The following FGGY variants were observed in gnomAD, a reference collection of about 807,000 sequenced individuals.
FGGY encodes the protein FGGY carbohydrate kinase domain-containing protein.
FGGY carries 72 observed loss-of-function variants against 71.3 expected under a neutral mutation model. The observed-to-expected ratio is 1.01, with a 90% CI of 0.84 to 1.23. FGGY has a LOEUF of 1.23. FGGY is among the 50% of genes most tolerant of loss of function. FGGY has a pLI of 0.00. For synonymous variants in FGGY, 251 were observed against 250.3 expected, an observed-to-expected ratio of 1.00 and a Z score of -0.02; for missense variants, 668 against 682.3, an observed-to-expected ratio of 0.98 and a Z score of 0.23.
chr1:59,674,049 G>C lies in FGGY; in HGVS notation c.1428G>C (p.Val476=). The C allele has an allele frequency of 3.1e-6, 5 of 1,613,642 alleles. No homozygotes were observed. Among genetic ancestry groups the C allele is most frequent in the Non-Finnish European group, 4.2e-6 (5 of 1,179,788 alleles). The change falls in exon 14 of 16, where the codon GTG becomes GTC. Residue 476 remains valine, a synonymous_variant. Transcript: ENST00000303721. ...QMHADITGMP[V]VLSQEVESVL... ...CCTTGTCCTGCGCAGGCATGCCTGT[G>C]GTCCTGTCGCAAGAGGTGGAGTCCG...
chr1:59,316,011 C>T (rs897518886), intron 1 of FGGY: 1 of 152,194 alleles, frequency 6.6e-6, no homozygotes, highest in South Asian at 2.1e-4. Flanking sequence ...CAAATCAGCT[C>T]TTTCCTTCTC....
At chr1:59,531,084 G>T (rs542385897) in intron 7 of FGGY, among the ~76,000 whole-genome samples, 2 of 152,284 alleles carry the variant, frequency 1.3e-5, no homozygotes, top group East Asian at 3.9e-4. Context: ...ATAGCTCTCT[G>T]AAGCAAGAGT....
chr1:59,440,406 G>A (rs2069537994), intron 5 of FGGY, among the ~76,000 whole-genome samples: 1 of 151,954 alleles, frequency 6.6e-6, no homozygotes. Context: ...GATCTCTTTT[G>A]TTTGTGGGTG....
chr1:59,659,923 A>C (rs983786173), intron 11 of FGGY, among the ~76,000 whole-genome samples: 2 of 152,212 alleles, frequency 1.3e-5, no homozygotes, highest in Non-Finnish European at 2.9e-5. Flanking sequence ...AAAATGTTTT[A>C]AAATAAAAAG....
intron 8 of FGGY, among the ~76,000 whole-genome samples, chr1:59,566,706 G>C (rs948485143): frequency 6.6e-5 from 10 of 152,132 alleles, no homozygotes; most frequent in Non-Finnish European, 1.0e-4. Flanking sequence ...GAATAAAACC[G>C]AAGTCTTAAA....
chr1:59,576,850 C>T (rs1293019309), intron 8 of FGGY, among the ~76,000 whole-genome samples: 3 of 152,074 alleles, frequency 2.0e-5, no homozygotes, highest in Non-Finnish European at 4.4e-5. Context: ...ATACTGTGAA[C>T]TTCTCTATGG....
chr1:59,676,499 A>G (rs2097436980), intron 14 of FGGY, among the ~76,000 whole-genome samples: 1 of 151,460 alleles, frequency 6.6e-6, no homozygotes, highest in Admixed American at 6.6e-5. Context: ...TACTAGATAC[A>G]TCATACCATG....
intron 11 of FGGY, among the ~76,000 whole-genome samples, chr1:59,647,363 A>G (rs546437111): frequency 2.6e-5 from 4 of 152,328 alleles, no homozygotes; most frequent in Admixed American, 6.5e-5. Flanking sequence ...CAAACAAAGT[A>G]GTGTTGTGTG....
intron 3 of FGGY, among the ~76,000 whole-genome samples, chr1:59,343,332 T>C (rs2051094042): frequency 6.6e-6 from 1 of 152,220 alleles, no homozygotes; most frequent in South Asian, 2.1e-4. Flanking sequence ...GACAACATTT[T>C]TGTGGGTCTG....
chr1:59,613,787 T>G (rs547126632), intron 9 of FGGY, among the ~76,000 whole-genome samples: 1 of 151,704 alleles, frequency 6.6e-6, no homozygotes, highest in East Asian at 1.9e-4. Context: ...AAGAATCAAA[T>G]AGACACAATA....
intron 4 of FGGY, among the ~76,000 whole-genome samples, chr1:59,376,348 C>T (rs1392647917): frequency 6.6e-6 from 1 of 152,176 alleles, no homozygotes; most frequent in African/African-American, 2.4e-5. Context: ...AGAGAATCAG[C>T]TTGATACTTT....
intron 8 of FGGY, among the ~76,000 whole-genome samples, chr1:59,590,970 A>G (rs1558468069): frequency 1.3e-5 from 2 of 152,230 alleles, no homozygotes; most frequent in Admixed American, 6.5e-5. Context: ...AAGAAAGGGT[A>G]TTCAATTAGG....
intron 5 of FGGY, among the ~76,000 whole-genome samples, chr1:59,407,576 T>C (rs1465875369): frequency 2.0e-5 from 3 of 152,124 alleles, no homozygotes; most frequent in African/African-American, 7.2e-5. Flanking sequence ...AATATTCTGA[T>C]AGTTATCCTG....
chr1:59,508,195 G>C (rs2094440283), intron 6 of FGGY, among the ~76,000 whole-genome samples: 1 of 152,110 alleles, frequency 6.6e-6, no homozygotes, highest in Non-Finnish European at 1.5e-5. Context: ...AGTTCTCTGG[G>C]AACACCATGT....
At chr1:59,632,723 C>T (rs997715205) in intron 10 of FGGY, among the ~76,000 whole-genome samples, 1 of 152,214 alleles carries the variant, frequency 6.6e-6, no homozygotes, top group African/African-American at 2.4e-5. Flanking sequence ...TCAAACTTCA[C>T]TTCTAAAAAT....
chr1:59,607,841 G>A lies in FGGY; in HGVS notation c.942G>A (p.Gly314=). ...KDPIFVPGVW[G]PYFSAMVPGF... ...CGATTTTTGTACCAGGCGTCTGGGG[G>A]CCTTATTTCTCAGCCATGGTACCTG... The change falls in exon 9 of 16, where the codon GGG becomes GGA. Residue 314 remains glycine (G), a synonymous_variant. Coordinates refer to ENST00000303721, the MANE Select transcript of FGGY (RefSeq NM_018291.5). 1.2e-6 allele frequency: 2 copies of A among 1,613,946 alleles called. No homozygotes were observed. The highest frequency in any genetic ancestry group is 2.2e-5 in the East Asian group (1 of 44,884).
chr1:59,733,950 C>A (rs191542561), intron 14 of FGGY, among the ~76,000 whole-genome samples: 376 of 152,324 alleles, frequency 2.5e-3, no homozygotes, highest in African/African-American at 8.6e-3. Context: ...ACCTTGATGT[C>A]CCCTGGCCCT....
chr1:59,505,937 T>G (rs950550696), intron 6 of FGGY, among the ~76,000 whole-genome samples: 3 of 152,150 alleles, frequency 2.0e-5, no homozygotes, highest in African/African-American at 7.2e-5. Context: ...AATTGTAGAT[T>G]CCAGCTTTTG....
chr1:59,707,325 C>G (rs1225475773), intron 14 of FGGY, among the ~76,000 whole-genome samples: 5 of 152,180 alleles, frequency 3.3e-5, no homozygotes, highest in Non-Finnish European at 7.4e-5. Flanking sequence ...CTGTCCAACT[C>G]TAAATCCCTA....
Sources: gnomAD v4.1 joint callset for allele counts (sites outside exome capture counted in the v4.1 genomes callset) on GRCh38, gnomAD v4.1.1 for gene constraint, MANE v1.5 for transcripts, NCBI Gene and HGNC (gene_info 2026-07-23, HGNC 2026-07-21) for gene names.